The following WDR70 variants were observed in gnomAD, a reference collection of about 807,000 sequenced individuals.
WDR70 encodes WD repeat-containing protein 70.
A neutral mutation model predicts 88.6 loss-of-function variants in WDR70; 53 were observed. The observed-to-expected ratio is 0.60, with a 90% confidence interval of 0.48 to 0.75. The LOEUF is 0.75. Ranked by LOEUF, WDR70 falls within the 30% of genes least tolerant of loss-of-function variation. The pLI is 0.00. For missense variants in WDR70, 610 were observed against 823.2 expected, an observed-to-expected ratio of 0.74 and a Z score of 3.17; for synonymous variants, 280 against 270.0, an observed-to-expected ratio of 1.04 and a Z score of -0.36.
intron 10 of WDR70, chr5:37,620,109 T>C (rs972139515): frequency 5.3e-5 from 8 of 152,134 alleles, no homozygotes; most frequent in African/African-American, 1.7e-4. Flanking sequence ...AGTCTTGTTC[T>C]TTATCATTTT....
chr5:37,557,918 C>T (rs1200363467), intron 9 of WDR70, among the ~76,000 whole-genome samples: 4 of 135,688 alleles, frequency 2.9e-5, no homozygotes, highest in African/African-American at 1.0e-4. Flanking sequence ...TTTGAAAACT[C>T]TTCAAAAGAG....
chr5:37,688,203 A>G (rs1008037593), intron 10 of WDR70, among the ~76,000 whole-genome samples: 5 of 152,156 alleles, frequency 3.3e-5, no homozygotes, highest in Non-Finnish European at 7.3e-5. Context: ...GCTGTAAATG[A>G]CCCTGGAAAT....
At chr5:37,518,680 CTTTTTTTTTT>C (rs35818980) in intron 9 of WDR70, among the ~76,000 whole-genome samples, 1 of 123,734 alleles carries the variant, frequency 8.1e-6, no homozygotes, top group East Asian at 2.3e-4. Context: ...GCACAGATAT[CTTTTTTTTTT>C]TTTTTTTTTA....
intron 5 of WDR70, 59 bp from the exon 6 acceptor site, chr5:37,437,863 T>C: frequency 6.7e-7 from 1 of 1,502,720 alleles, no homozygotes; most frequent in East Asian, 2.3e-5. Context: ...AAATGTGTTG[T>C]GTAGTTCCCC....
At chr5:37,380,849 A>G (rs1466492073) in intron 2 of WDR70, among the ~76,000 whole-genome samples, 1 of 152,068 alleles carries the variant, frequency 6.6e-6, no homozygotes, top group Non-Finnish European at 1.5e-5. Flanking sequence ...AGGTTTCACC[A>G]TGTTGCCCAG....
In WDR70 at chr5:37,617,149, C is replaced by G. The variant is rs565649259; in HGVS notation, c.1092+11911C>G. Among the ~76,000 whole-genome samples the G allele has an allele frequency of 1.0e-3, 155 of 152,236 alleles. 1 individual carries two copies. Among genetic ancestry groups the G allele is most frequent in the African/African-American group, 3.6e-3 (149 of 41,542 alleles). ...GAACAATACTGTGAATTAAGTACTA[C>G]CATTAACTACATGTTTTAGATGAGA... On this transcript the variant is annotated intron_variant, in intron 10 of 17. Coordinates refer to ENST00000265107, the MANE Select transcript of WDR70 (RefSeq NM_018034.4).
intron 3 of WDR70, among the ~76,000 whole-genome samples, chr5:37,387,481 C>T (rs1269930051): frequency 6.6e-6 from 1 of 152,094 alleles, no homozygotes; most frequent in African/African-American, 2.4e-5. Context: ...ATTGAACTTT[C>T]TTGATTTACA....
intron 8 of WDR70, among the ~76,000 whole-genome samples, chr5:37,491,410 A>T (rs939829724): frequency 2.6e-5 from 4 of 152,148 alleles, no homozygotes; most frequent in African/African-American, 9.7e-5. Context: ...TCTAGAGCTG[A>T]TATTGTTCAG....
chr5:37,643,803 A>G (rs1373624613), intron 10 of WDR70, among the ~76,000 whole-genome samples: 2 of 152,062 alleles, frequency 1.3e-5, no homozygotes, highest in Non-Finnish European at 2.9e-5. Context: ...GGTAGCATAT[A>G]GTAATGCTAC....
intron 9 of WDR70, among the ~76,000 whole-genome samples, chr5:37,559,583 G>A (rs111301619): frequency 9.2e-5 from 14 of 152,150 alleles, no homozygotes; most frequent in African/African-American, 2.9e-4. Flanking sequence ...AGTGGCTCAC[G>A]CCTGTAATCC....
intron 8 of WDR70, among the ~76,000 whole-genome samples, chr5:37,499,920 T>C (rs1250394527): frequency 6.6e-6 from 1 of 152,178 alleles, no homozygotes. Context: ...TCAATTTTTT[T>C]CTTTATAGAT....
chr5:37,429,938 C>T (rs889376794), intron 5 of WDR70, among the ~76,000 whole-genome samples: 3 of 152,152 alleles, frequency 2.0e-5, no homozygotes, highest in Non-Finnish European at 4.4e-5. Flanking sequence ...GTTTTGAGAG[C>T]CTTACTTTCC....
intron 8 of WDR70, among the ~76,000 whole-genome samples, chr5:37,515,411 G>T (rs1193231288): frequency 6.6e-6 from 1 of 152,226 alleles, no homozygotes; most frequent in African/African-American, 2.4e-5. Context: ...TAGATAGTTG[G>T]ATGTGCAAGC....
intron 10 of WDR70, among the ~76,000 whole-genome samples, chr5:37,675,660 G>C (rs1477134861): frequency 2.0e-5 from 3 of 152,140 alleles, no homozygotes; most frequent in African/African-American, 7.2e-5. Flanking sequence ...TTTGAAGTCA[G>C]GTAGCGTGAT....
At chr5:37,546,931 T>G (rs1742017987) in intron 9 of WDR70, among the ~76,000 whole-genome samples, 2 of 150,236 alleles carry the variant, frequency 1.3e-5, no homozygotes, top group South Asian at 2.1e-4. Flanking sequence ...AAAAAAAAAA[T>G]TATGTATGTG....
chr5:37,646,161 C>T (rs1242699913), intron 10 of WDR70, among the ~76,000 whole-genome samples: 1 of 151,800 alleles, frequency 6.6e-6, no homozygotes, highest in Non-Finnish European at 1.5e-5. Context: ...TACCATGAGG[C>T]TTGCAAATAC....
chr5:37,499,548 T>A (rs1466483093), intron 8 of WDR70, among the ~76,000 whole-genome samples: 1 of 149,928 alleles, frequency 6.7e-6, no homozygotes, highest in Non-Finnish European at 1.5e-5. Flanking sequence ...ATATATATTC[T>A]CAACTTAAGT....
chr5:37,639,305 C>T (rs1180941272), intron 10 of WDR70, among the ~76,000 whole-genome samples: 4 of 152,034 alleles, frequency 2.6e-5, no homozygotes, highest in African/African-American at 9.7e-5. Flanking sequence ...AATTATTATC[C>T]ATCTCTGAAG....
At chr5:37,615,397 GAGA>G (rs955681796) in intron 10 of WDR70, among the ~76,000 whole-genome samples, 1 of 152,100 alleles carries the variant, frequency 6.6e-6, no homozygotes, top group Non-Finnish European at 1.5e-5. Flanking sequence ...CAGGAATATA[GAGA>G]AGATTTTACT....
Sources: allele counts gnomAD v4.1 joint callset (sites outside exome capture counted in the v4.1 genomes callset), GRCh38; gene constraint gnomAD v4.1.1; transcripts MANE v1.5; gene names NCBI Gene and HGNC (gene_info 2026-07-23, HGNC 2026-07-21).